Variants in MAP3K7CL observed in about 807,000 individuals in gnomAD.
MAP3K7CL encodes MAP3K7 C-terminal-like protein.
In MAP3K7CL, 16 loss-of-function variants were observed where a neutral mutation model predicts 18.6. The observed-to-expected ratio is 0.86, with a 90% CI of 0.58 to 1.31. MAP3K7CL has a LOEUF of 1.31. MAP3K7CL is among the 50% of genes most tolerant of loss of function. MAP3K7CL has a pLI of 0.00. For synonymous variants in MAP3K7CL, 65 were observed against 66.8 expected (o/e 0.97, Z 0.13); for missense variants, 163 against 174.4 (o/e 0.93, Z 0.37).
At chr21:29,163,155 A>G (rs1568970937) in intron 4 of MAP3K7CL, among the ~76,000 whole-genome samples, 1 of 152,146 alleles carries the variant, frequency 6.6e-6, no homozygotes. Flanking sequence ...CAACTTCTAG[A>G]AGTAACATGG....
At chr21:29,140,310 T>C (rs561940645) in intron 2 of MAP3K7CL, among the ~76,000 whole-genome samples, 1 of 152,340 alleles carries the variant, frequency 6.6e-6, no homozygotes, top group East Asian at 1.9e-4. Flanking sequence ...TTGGTTGGAA[T>C]GTATTACTTA....
chr21:29,121,055 G>GACCCTGTATCAAAAAAATATATATATAT (rs58666252), intron 4 of MAP3K7CL, among the ~76,000 whole-genome samples: 1 of 121,038 alleles, frequency 8.3e-6, no homozygotes, highest in Admixed American at 8.2e-5. Context: ...AACAGAGTCA[G>GACCCTGTATCAAAAAAATATATATATAT]ATATATATAT....
chr21:29,148,341 C>A (rs1192272533), intron 2 of MAP3K7CL, among the ~76,000 whole-genome samples: 1 of 152,002 alleles, frequency 6.6e-6, no homozygotes, highest in Non-Finnish European at 1.5e-5. Context: ...GGCCAATGGA[C>A]CTTAGAGCCA....
At chr21:29,159,355 T>C (rs193051058) in intron 3 of MAP3K7CL, among the ~76,000 whole-genome samples, 7 of 152,260 alleles carry the variant, frequency 4.6e-5, no homozygotes, top group Admixed American at 3.9e-4. Flanking sequence ...ATGAATCTTA[T>C]AGGGATGGTT....
intron 2 of MAP3K7CL, chr21:29,145,507 C>T (rs988645852): frequency 2.6e-5 from 4 of 152,212 alleles, no homozygotes; most frequent in African/African-American, 9.6e-5. Context: ...TCCAGTGATT[C>T]ATCATCCTGC....
Position 29,159,958 on chromosome 21 carries a change from T to C in MAP3K7CL, c.150T>C (p.His50=), listed in dbSNP as rs1225084957. 6.2e-7 allele frequency: 1 copy of C among 1,613,850 alleles called. No homozygotes were observed. Residue 50 remains histidine (H), a synonymous_variant, in exon 4 of 5, where the codon CAT becomes CAC. Coordinates refer to ENST00000399928, the MANE Select transcript of MAP3K7CL (RefSeq NM_001286620.2). ...TTGTGAAGCCCCTGCCGCCTTGTCATGACTCCGAGGAATCCATGGAGGTGT... is the reference window on the plus strand; with the variant it reads ...TTGTGAAGCCCCTGCCGCCTTGTCACGACTCCGAGGAATCCATGGAGGTGT... ...DQQLQPLPPC[H]DSEESMEVFK... is the part of the protein sequence containing the mutation.
chr21:29,156,531 G>T (rs1276541861), intron 3 of MAP3K7CL, among the ~76,000 whole-genome samples: 1 of 152,140 alleles, frequency 6.6e-6, no homozygotes, highest in Non-Finnish European at 1.5e-5. Context: ...AGAAGCTTGT[G>T]TTTGATTAAT....
intron 4 of MAP3K7CL, among the ~76,000 whole-genome samples, chr21:29,094,308 C>T (rs1258343624): frequency 2.0e-5 from 3 of 152,260 alleles, no homozygotes; most frequent in African/African-American, 4.8e-5. Context: ...CTCTGCTAGA[C>T]AGCAGTGGGT....
Position 29,159,046 on chromosome 21 carries a change from A to G in MAP3K7CL, c.133-895A>G, listed in dbSNP as rs144881371. On this transcript the variant is annotated intron_variant, in intron 3 of 4. Transcript: ENST00000399928. ...AGCGATTCTCCTGCTTCAGTCTCCTAAGTAGCTGGGACTACAGGTGGGCCC... is the reference window on the plus strand; with the variant it reads ...AGCGATTCTCCTGCTTCAGTCTCCTGAGTAGCTGGGACTACAGGTGGGCCC... 8.1e-3 allele frequency among the ~76,000 whole-genome samples: 1,226 copies of G among 150,850 alleles called. 21 individuals carry two copies. The highest frequency in any genetic ancestry group is 0.029 in the African/African-American group (1,173 of 40,972).
intron 4 of MAP3K7CL, among the ~76,000 whole-genome samples, chr21:29,097,244 AT>A (rs1264726557): frequency 6.6e-6 from 1 of 152,080 alleles, no homozygotes; most frequent in Non-Finnish European, 1.5e-5. Context: ...TATGCATACT[AT>A]GGTAAGCATG....
chr21:29,091,666 A>G lies in MAP3K7CL; in HGVS notation c.134-2A>G. ...AAGTTTTTCTTTCTTTTTTTTTCAT[A>G]GAGATGGAGTCTCGCTATTTTGCCC... On this transcript the variant is annotated splice_acceptor_variant, in intron 2 of 6. Transcript: ENST00000286791. LOFTEE classifies it high-confidence loss of function. The G allele has an allele frequency of 1.4e-6, 1 of 700,736 alleles. No individual in the cohort carries two copies. Among genetic ancestry groups the G allele is most frequent in the African/African-American group, 1.8e-5 (1 of 57,024 alleles). 43.4% of individuals were successfully genotyped at this position (700,736 alleles called of 1,614,324 possible). A position where few individuals can be genotyped will look rare whatever the true frequency, so the allele number is the denominator to read the frequency against.
intron 4 of MAP3K7CL, among the ~76,000 whole-genome samples, chr21:29,108,790 A>G (rs1195719033): frequency 1.3e-5 from 2 of 152,242 alleles, no homozygotes; most frequent in African/African-American, 2.4e-5. Flanking sequence ...AAAGGAAAAC[A>G]TAAGTATTGT....
At chr21:29,109,748 A>C in intron 4 of MAP3K7CL, 1 of 985,750 alleles carries the variant, frequency 1.0e-6, no homozygotes, top group Non-Finnish European at 1.2e-6. Flanking sequence ...AGCTGGCCCT[A>C]GGCAAAATTG....
intron 4 of MAP3K7CL, among the ~76,000 whole-genome samples, chr21:29,161,169 G>T (rs2087538425): frequency 6.6e-6 from 1 of 152,182 alleles, no homozygotes; most frequent in Admixed American, 6.5e-5. Context: ...AATTAGCCGG[G>T]TGTGGTGGCG....
At chr21:29,113,164 G>A (rs2086448901) in intron 4 of MAP3K7CL, among the ~76,000 whole-genome samples, 1 of 152,092 alleles carries the variant, frequency 6.6e-6, no homozygotes, top group Non-Finnish European at 1.5e-5. Flanking sequence ...ATTTAAACTG[G>A]CAGGTGGTTT....
intron 2 of MAP3K7CL, among the ~76,000 whole-genome samples, chr21:29,135,979 T>C (rs148417760): frequency 4.5e-4 from 69 of 152,276 alleles, no homozygotes; most frequent in African/African-American, 1.5e-3. Flanking sequence ...GTTCAGTGTT[T>C]CTCAACCTTG....
chr21:29,149,114 TA>T, intron 2 of MAP3K7CL, 74 bp from the exon 3 acceptor site: 1 of 1,187,312 alleles, frequency 8.4e-7, no homozygotes, highest in Non-Finnish European at 1.3e-6. Flanking sequence ...ACTGATGGTC[TA>T]ACTCTGGGGG....
chr21:29,153,428 G>T (rs1447187266), intron 3 of MAP3K7CL, among the ~76,000 whole-genome samples: 1 of 152,066 alleles, frequency 6.6e-6, no homozygotes, highest in East Asian at 1.9e-4. Flanking sequence ...TTCTAAGAAT[G>T]AATGAAAAAT....
At chr21:29,086,003 G>A in intron 1 of MAP3K7CL, 1 of 1,453,394 alleles carries the variant, frequency 6.9e-7, no homozygotes, top group Non-Finnish European at 9.7e-7. Context: ...AAAAATGTAG[G>A]AAAGAAGCAG....
Sources: gnomAD v4.1 joint callset for allele counts (sites outside exome capture counted in the v4.1 genomes callset) on GRCh38, gnomAD v4.1.1 for gene constraint, MANE v1.5 for transcripts, NCBI Gene and HGNC (gene_info 2026-07-23, HGNC 2026-07-21) for gene names.